Variants in CDAN1 observed in about 807,000 individuals in gnomAD.
CDAN1 encodes the protein codanin 1.
CDAN1 carries 107 observed loss-of-function variants against 139.8 expected under a neutral mutation model. The ratio of observed to expected loss-of-function variants is 0.77; its 90% confidence interval spans 0.65 to 0.90. The LOEUF (loss-of-function observed/expected upper bound fraction) is 0.90, where lower values mean the gene tolerates loss of function less well. Ranked by LOEUF, CDAN1 falls within the 40% of genes least tolerant of loss-of-function variation. The pLI is 0.00. For missense variants in CDAN1, 1,667 were observed against 1,575.7 expected, an observed-to-expected ratio of 1.06 and a Z score of -0.98; for synonymous variants, 776 against 660.6, an observed-to-expected ratio of 1.17 and a Z score of -2.68.
intron 23 of CDAN1, 59 bp downstream of exon 23, chr15:42,727,562 C>T: frequency 7.0e-7 from 1 of 1,436,830 alleles, no homozygotes; most frequent in Non-Finnish European, 9.3e-7. Flanking sequence ...AAGGAAAAAC[C>T]AGGAACAGAG....
In CDAN1 at chr15:42,729,590, G is replaced by C. The variant is rs374273759; in HGVS notation, c.2385C>G (p.Leu795=). 5 of 1,614,018 alleles carry C rather than the reference G, an allele frequency of 3.1e-6. No homozygotes were observed. Among genetic ancestry groups the C allele is most frequent in the South Asian group, 1.1e-5 (1 of 91,078 alleles). Residue 795 remains leucine (L), a synonymous_variant, in exon 17 of 28, where the codon CTC becomes CTG. Coordinates refer to ENST00000356231, the MANE Select transcript of CDAN1 (RefSeq NM_138477.4). ...CACCGATGTAGGGGCAGCAGGTGTA[G>C]AGCAGCTGCTGGTCCACCACAGGCG... ...DNAPVVDQQL[L]YTCCPYIGEL... is the part of the protein sequence containing the mutation.
chr15:42,728,767 G>A lies in CDAN1; in HGVS notation c.2689C>T (p.Leu897Phe). 6.2e-7 allele frequency: 1 copy of A among 1,614,196 alleles called. No individual in the cohort carries two copies. The highest frequency in any genetic ancestry group is 8.5e-7 in the Non-Finnish European group (1 of 1,180,024). ...ADLVRQAESL[L>F]QEQLVTQGEE... ...CCCTGTGTCACCAGCTGCTCTTGGA[G>A]AAGTGACTCTGCCTGGCGCACCAGA... Residue 897 changes from leucine (L) to phenylalanine (F), a missense_variant, in exon 20 of 28, where the codon CTC becomes TTC. Coordinates refer to ENST00000356231, the MANE Select transcript of CDAN1 (RefSeq NM_138477.4).
intron 6 of CDAN1, among the ~76,000 whole-genome samples, chr15:42,734,718 G>C (rs2061664003): frequency 6.6e-6 from 1 of 150,938 alleles, no homozygotes; most frequent in South Asian, 2.1e-4. Flanking sequence ...AGGCTCAGGA[G>C]ATCCTTCCAC....
Position 42,735,958 on chromosome 15 carries a change from G to T in CDAN1, c.690C>A (p.Ala230=). 6.2e-7 allele frequency: 1 copy of T among 1,614,204 alleles called. No individual in the cohort carries two copies. The highest frequency in any genetic ancestry group is 1.7e-5 in the Admixed American group (1 of 60,038). Residue 230 remains alanine (A), a synonymous_variant, in exon 3 of 28, where the codon GCC becomes GCA. Coordinates refer to ENST00000356231, the MANE Select transcript of CDAN1 (RefSeq NM_138477.4). ...ISCVPSSQPS[A]LDTSPWGLGL... The stretch of plus-strand genomic sequence containing the variant: ...CAAGGCCCCAAGGGCTAGTGTCCAG[G>T]GCTGAGGGTTGGGAACTGGGGACAC...
Position 42,727,700 on chromosome 15 carries a change from G to A in CDAN1, c.3017C>T (p.Ala1006Val), listed in dbSNP as rs746228744. The A allele has an allele frequency of 6.3e-7, 1 of 1,585,374 alleles. No individual in the cohort carries two copies. Among genetic ancestry groups the A allele is most frequent in the South Asian group, 1.1e-5 (1 of 87,906 alleles). The change falls in exon 23 of 28, where the codon GCC (alanine) becomes GTC (valine). Residue 1006 changes from alanine (A) to valine (V), a missense_variant. Ala to Val is a moderately conservative substitution (Grantham distance 64). Transcript: ENST00000356231. The stretch of plus-strand genomic sequence containing the variant: ...GGAGCAGCCCCTCCGCTCCCCCCGG[G>A]CAGCAGGTTCAGGACCCTGGGCTCG... The part of the protein sequence containing the change: ...TLRAQGPEPA[A>V]RGERRGCSRA...
At position 42,734,059 on chromosome 15, in the gene CDAN1, CAG is replaced by C. The variant is rs753560503; in HGVS notation, c.1258-14_1258-13del. On this transcript the variant is annotated splice_polypyrimidine_tract_variant and intron_variant, in intron 7 of 27. Transcript: ENST00000356231. ...ATCACCAGAGAGACCTAAAATACAGCAGGAACGTTAGGAACTGCAGGGTCATG... is the reference window on the plus strand; with the variant it reads ...ATCACCAGAGAGACCTAAAATACAGCGAACGTTAGGAACTGCAGGGTCATG... 24 of 1,607,234 alleles carry C rather than the reference CAG, an allele frequency of 1.5e-5. No homozygotes were observed. The highest frequency in any genetic ancestry group is 2.0e-5 in the Non-Finnish European group (24 of 1,173,796).
Position 42,735,555 on chromosome 15 carries a change from G to C in CDAN1, c.898C>G (p.Gln300Glu), listed in dbSNP as rs766242133. ...ACAAGGGCTACAAGCTCCAGGCGCT[G>C]GCGGGAAGACACTCTGGCAGGGTCT... ...PADPARVSSR[Q>E]RLELVALVYS... The change falls in exon 4 of 28, where the codon CAG becomes GAG. Residue 300 changes from glutamine to glutamate, a missense_variant. Around this residue, in one of 3 missense-constraint regions of CDAN1, gnomAD observed 487 missense variants for 422.2 expected, o/e 1.15. Coordinates refer to ENST00000356231, the MANE Select transcript of CDAN1 (RefSeq NM_138477.4). 6 of 1,614,248 alleles carry C rather than the reference G, an allele frequency of 3.7e-6. No homozygotes were observed. Among genetic ancestry groups the C allele is most frequent in the Non-Finnish European group, 5.1e-6 (6 of 1,180,056 alleles).
chr15:42,724,025 TAAG>T lies in CDAN1; in HGVS notation c.*463_*465del, dbSNP rs111961345. The T allele has an allele frequency of 0.041, 10,078 of 245,478 alleles. 660 individuals are homozygous for T. Among genetic ancestry groups the T allele is most frequent in the African/African-American group, 0.17 (7,648 of 44,168 alleles). The allele number at this position is 245,478 out of a possible 1,614,324, so 15.2% of individuals were successfully genotyped here. ...AGACCCGGCCTGTGTTAGGCATTTA[TAAG>T]GAGATGGCAGTCCAGCTCCTGGTGA... On this transcript the variant is annotated 3_prime_UTR_variant, in exon 28 of 28. Transcript: ENST00000356231.
In CDAN1 at chr15:42,725,666, T is replaced by C. The variant is rs779362821; in HGVS notation, c.3273A>G (p.Ala1091=). The C allele has an allele frequency of 2.5e-6, 4 of 1,613,978 alleles. No homozygotes were observed. The highest frequency in any genetic ancestry group is 3.4e-6 in the Non-Finnish European group (4 of 1,179,970). Residue 1091 remains alanine (A), a synonymous_variant, in exon 26 of 28, where the codon GCA becomes GCG. Transcript: ENST00000356231. ...GGGGCCCTAGGATAGGAATTTGATC[T>C]GCAACTGTGGAAAGAGGAAAGCCAA... The part of the protein sequence containing the change: ...CSVELASLLV[A]DQIPILGPPA...
Position 42,731,748 on chromosome 15 carries a change from G to A in CDAN1, c.1611C>T (p.Asp537=). 7.4e-6 allele frequency: 12 copies of A among 1,614,180 alleles called. No homozygotes were observed. The highest frequency in any genetic ancestry group is 1.0e-5 in the Non-Finnish European group (12 of 1,180,048). The part of the protein sequence containing the change: ...APDVLSMLGA[D]KLGRLWRLQE... The stretch of plus-strand genomic sequence containing the variant: ...GTAGGCGCCACAACCGCCCCAGCTT[G>A]TCAGCTCCCAGCATACTCAACACAT... The change falls in exon 11 of 28, where the codon GAC becomes GAT. Residue 537 remains aspartate (D), a synonymous_variant. Transcript: ENST00000356231.
At position 42,724,497 on chromosome 15, in the gene CDAN1, C is replaced by A. The variant is rs1375493147; in HGVS notation, c.3678G>T (p.Gln1226His). 1.9e-6 allele frequency: 3 copies of A among 1,577,656 alleles called. No individual in the cohort carries two copies. The highest frequency in any genetic ancestry group is 2.6e-6 in the Non-Finnish European group (3 of 1,160,614). ...GCAGGGCCACTTCTCAGCCCTAGCT[C>A]TGGGCCAGCACAGTGCCCCGGTTTG... ...VQPNRGTVLA[Q>H]S is the part of the protein sequence containing the mutation. Residue 1226 changes from glutamine (Q) to histidine (H), a missense_variant, in exon 28 of 28, where the codon CAG becomes CAT. This residue lies in a region of CDAN1 where 936 missense variants were observed against 844.1 expected (regional missense o/e 1.11). Transcript: ENST00000356231.
chr15:42,734,585 TGCCAAGACCACAGG>T (rs2061662072), intron 6 of CDAN1, among the ~76,000 whole-genome samples: 1 of 151,934 alleles, frequency 6.6e-6, no homozygotes. Flanking sequence ...AAAGCTCAGC[TGCCAAGACCACAGG>T]GGTCCATTTC....
intron 9 of CDAN1, 133 bp downstream of exon 9, chr15:42,732,964 T>G (rs1246092968): frequency 2.6e-6 from 2 of 762,046 alleles, no homozygotes; most frequent in African/African-American, 3.5e-5. Flanking sequence ...CTAAAGAGAT[T>G]TCGGAGGATA....
rs2061691528 is a variant in CDAN1 at position 42,736,587 on chromosome 15, C to T, written c.284G>A (p.Gly95Glu). ...RPGGPPRGSRGARSQLFPPTE... is the reference protein window; with the variant it reads ...RPGGPPRGSREARSQLFPPTE... The stretch of plus-strand genomic sequence containing the variant: ...CGGAGGGAAAAGCTGGCTGCGCGCC[C>T]CGCGGCTACCCCGCGGCGGGCCTCC... The change falls in exon 2 of 28, where the codon GGG becomes GAG. Residue 95 changes from glycine to glutamate, a missense_variant. Gly to Glu is a moderately conservative substitution (Grantham distance 98). Transcript: ENST00000356231. The T allele has an allele frequency of 6.7e-7, 1 of 1,492,800 alleles. No individual in the cohort carries two copies. Among genetic ancestry groups the T allele is most frequent in the Non-Finnish European group, 8.9e-7 (1 of 1,122,426 alleles). The allele number at this position is 1,492,800 out of a possible 1,614,324, so 92.5% of individuals were successfully genotyped here.
At chr15:42,726,718 C>T (rs531226209) in intron 23 of CDAN1, 29 of 471,346 alleles carry the variant, frequency 6.2e-5, no homozygotes, top group Admixed American at 2.9e-4. Flanking sequence ...TCCCATAGGG[C>T]ATCTTATTCT....
chr15:42,734,776 G>A (rs1292010157), intron 6 of CDAN1, among the ~76,000 whole-genome samples: 3 of 135,328 alleles, frequency 2.2e-5, no homozygotes, highest in African/African-American at 3.4e-5. Context: ...CCCCACACCC[G>A]GCCTTTTTTT....
Position 42,724,440 on chromosome 15 carries a change from C to T in CDAN1, c.*51G>A, listed in dbSNP as rs552751904. ...TGGGCACTTGGGCCTCCTCGTGAGG[C>T]GGGGGTCCAGGGTTCTGGTGCAATG... On this transcript the variant is annotated 3_prime_UTR_variant, in exon 28 of 28. Transcript: ENST00000356231. 1.9e-5 allele frequency: 29 copies of T among 1,558,540 alleles called. No individual in the cohort carries two copies. The highest frequency in any genetic ancestry group is 1.8e-4 in the African/African-American group (13 of 73,730).
rs999360077 is a variant in CDAN1, at chr15:42,731,605, C to T, written c.1739+15G>A. 2 of 1,613,394 alleles carry T rather than the reference C, an allele frequency of 1.2e-6. No individual in the cohort carries two copies. Among genetic ancestry groups the T allele is most frequent in the Non-Finnish European group, 1.7e-6 (2 of 1,179,594 alleles). ...GGCCTCTGCCCCATTCCTTGCAAGA[C>T]ACAGGGGAGCCTACCTGCTGGCACT... On this transcript the variant is annotated intron_variant, in intron 11 of 27. Transcript: ENST00000356231.
In CDAN1 at chr15:42,734,018, T is replaced by C. The variant is rs771283154; in HGVS notation, c.1287A>G (p.Gln429=). The C allele has an allele frequency of 3.1e-6, 5 of 1,613,940 alleles. No homozygotes were observed. Among genetic ancestry groups the C allele is most frequent in the Non-Finnish European group, 2.5e-6 (3 of 1,179,918 alleles). The change falls in exon 8 of 28, where the codon CAA becomes CAG. Residue 429 remains glutamine (Q), a synonymous_variant. Transcript: ENST00000356231. ...KVSLVMPPST[Q]AVSFQPETDN... is the part of the protein sequence containing the mutation. ...CAGTCTCTGGCTGAAAGGAGACAGC[T>C]TGAGTAGAGGGAGGCATCACCAGAG...
Sources: gnomAD v4.1 joint callset for allele counts (sites outside exome capture counted in the v4.1 genomes callset) on GRCh38, gnomAD v4.1.1 for gene constraint, gnomAD v4.1.1 regional missense constraint, MANE v1.5 for transcripts, NCBI Gene and HGNC (gene_info 2026-07-23, HGNC 2026-07-21) for gene names.